Variants in CTBP1 observed in about 807,000 individuals in gnomAD.
The protein encoded by CTBP1 is C-terminal binding protein 1.
In CTBP1, 11 loss-of-function variants were observed where a neutral mutation model predicts 42.1. That is an observed-to-expected ratio of 0.26 (90% CI 0.16 to 0.43). The LOEUF (loss-of-function observed/expected upper bound fraction) is 0.43, where lower values mean the gene tolerates loss of function less well. Among genes scored for constraint, CTBP1 ranks in the 20% least tolerant of loss-of-function variants. The pLI is 1.00. For missense variants in CTBP1, 399 were observed against 624.3 expected, an observed-to-expected ratio of 0.64 and a Z score of 3.85; for synonymous variants, 324 against 277.1, an observed-to-expected ratio of 1.17 and a Z score of -1.68.
At chr4:1,243,027 G>C in intron 1 of CTBP1, 1 of 985,364 alleles carries the variant, frequency 1.0e-6, no homozygotes, top group South Asian at 4.7e-5. Context: ...CAAACTCATT[G>C]ATACGGGCCA....
At chr4:1,248,802 A>G in intron 1 of CTBP1, 114 bp downstream of exon 1, 18 of 932,836 alleles carry the variant, frequency 1.9e-5, no homozygotes, top group Non-Finnish European at 2.3e-5. Flanking sequence ...CTCGCACACA[A>G]AGCCGGCGGC....
At chr4:1,221,615 A>G (rs919755489) in intron 5 of CTBP1, 1 of 235,922 alleles carries the variant, frequency 4.2e-6, no homozygotes, top group Non-Finnish European at 8.8e-6. Context: ...CATCACCCCG[A>G]CTGACGGGAG....
chr4:1,228,039 C>G (rs1730569166), intron 4 of CTBP1, among the ~76,000 whole-genome samples, 160 bp downstream of exon 4: 1 of 152,208 alleles, frequency 6.6e-6, no homozygotes, highest in Non-Finnish European at 1.5e-5. Context: ...TGAATGGCTG[C>G]AACCTCATGC....
At chr4:1,245,628 A>G (rs1732638260) in intron 1 of CTBP1, 1 of 977,378 alleles carries the variant, frequency 1.0e-6, no homozygotes. Context: ...CGGGCGGCAT[A>G]GCAGAGTGGC....
intron 1 of CTBP1, among the ~76,000 whole-genome samples, chr4:1,248,111 G>A (rs992036323): frequency 1.3e-5 from 2 of 152,170 alleles, no homozygotes; most frequent in African/African-American, 4.8e-5. Flanking sequence ...GCCGGCCCAG[G>A]ACGCGGGCGC....
intron 1 of CTBP1, chr4:1,242,201 G>T: frequency 5.1e-6 from 5 of 985,430 alleles, no homozygotes; most frequent in Non-Finnish European, 6.0e-6. Context: ...GGGGCAGGGG[G>T]CCCCTGAGAG....
intron 5 of CTBP1, among the ~76,000 whole-genome samples, chr4:1,221,095 A>G (rs543978502): frequency 1.3e-5 from 2 of 152,338 alleles, no homozygotes; most frequent in South Asian, 4.1e-4. Context: ...AATATCCACA[A>G]TGCATGTCGA....
intron 1 of CTBP1, chr4:1,242,142 A>G: frequency 1.0e-6 from 1 of 985,440 alleles, no homozygotes; most frequent in Non-Finnish European, 1.2e-6. Flanking sequence ...CGCTACGGCC[A>G]GGGCCTGGCG....
intron 1 of CTBP1, chr4:1,242,490 G>C (rs1314015521): frequency 1.0e-6 from 1 of 984,960 alleles, no homozygotes; most frequent in African/African-American, 1.8e-5. Context: ...CCGCCCCTGC[G>C]CAGAGGCCTC....
Position 1,238,486 on chromosome 4 carries a change from T to A in CTBP1, c.8-149A>T, listed in dbSNP as rs1731810552. 2.0e-6 allele frequency: 2 copies of A among 1,024,860 alleles called. No homozygotes were observed. The highest frequency in any genetic ancestry group is 2.7e-6 in the Non-Finnish European group (2 of 742,472). The allele number at this position is 1,024,860 out of a possible 1,614,324, so 63.5% of individuals were successfully genotyped here. A position where few individuals can be genotyped will look rare whatever the true frequency, so the allele number is the denominator to read the frequency against. ...GTTGTGATATTTGTAAAAAGTAAAT[T>A]AAAAATCCACGTGAAAGACAACTCG... On this transcript the variant is annotated intron_variant, in intron 2 of 9. Coordinates refer to ENST00000382952, the MANE Select transcript of CTBP1 (RefSeq NM_001012614.2). This position sits in a 1 kb window ranked among gnomAD's most constrained non-coding sequence, Gnocchi z 5.9.
At chr4:1,215,940 A>G in intron 6 of CTBP1, 51 bp downstream of exon 6, 1 of 1,546,116 alleles carries the variant, frequency 6.5e-7, no homozygotes, top group Non-Finnish European at 8.8e-7. Context: ...TGACACCCCC[A>G]CCTGTACCTG....
Position 1,222,035 on chromosome 4 carries a change from A to G in CTBP1, c.514+3325T>C, listed in dbSNP as rs1382929070. On this transcript the variant is annotated intron_variant, in intron 5 of 9. Coordinates refer to ENST00000382952, the MANE Select transcript of CTBP1 (RefSeq NM_001012614.2). ...GCTTCCACATTCCTGTAGCCACCAC[A>G]CACGCGGATTCCACGCTAAGAACAA... Among the ~76,000 whole-genome samples, 3 of 152,176 alleles carry G rather than the reference A, an allele frequency of 2.0e-5. No homozygotes were observed. The East Asian group carries it at 5.8e-4, about 29-fold the overall frequency.
Position 1,249,040 on chromosome 4 carries a change from G to T in CTBP1, c.-313C>A. 1 of 607,776 alleles carries T rather than the reference G, an allele frequency of 1.6e-6. No individual in the cohort carries two copies. The highest frequency in any genetic ancestry group is 2.0e-6 in the Non-Finnish European group (1 of 488,138). The allele number at this position is 607,776 out of a possible 1,614,324, so 37.6% of individuals were successfully genotyped here. A position where few individuals can be genotyped will look rare whatever the true frequency, so the allele number is the denominator to read the frequency against. Reference sequence around the variant, plus strand: ...CGGCGCGTGGGGCGGCCTCGGCGCCGTCCGCTGCTCCGCCCGCCCGCCTGC... The same window carrying T: ...CGGCGCGTGGGGCGGCCTCGGCGCCTTCCGCTGCTCCGCCCGCCCGCCTGC... On this transcript the variant is annotated 5_prime_UTR_variant, in exon 1 of 10. Coordinates refer to ENST00000382952, the MANE Select transcript of CTBP1 (RefSeq NM_001012614.2).
chr4:1,213,753 G>A (rs1728797747), intron 7 of CTBP1, 148 bp from the exon 8 acceptor site: 1 of 1,073,564 alleles, frequency 9.3e-7, no homozygotes, highest in East Asian at 2.7e-5. Flanking sequence ...GGCTGGCTGA[G>A]CTCAAGAGCA....
intron 2 of CTBP1, among the ~76,000 whole-genome samples, chr4:1,239,669 C>A (rs1250032176): frequency 1.3e-5 from 2 of 152,220 alleles, no homozygotes; most frequent in African/African-American, 2.4e-5. Flanking sequence ...GGGGACGGGG[C>A]ATGGGTCTCC....
At chr4:1,242,727 G>GC (rs1471530850) in intron 1 of CTBP1, 1 of 985,074 alleles carries the variant, frequency 1.0e-6, no homozygotes. Flanking sequence ...CTGCGCCTGA[G>GC]CCCCCATGAC....
chr4:1,226,741 C>T (rs965041450), intron 4 of CTBP1, among the ~76,000 whole-genome samples: 4 of 151,764 alleles, frequency 2.6e-5, no homozygotes, highest in Non-Finnish European at 4.4e-5. Flanking sequence ...GGCCTGCACC[C>T]GACACCGCAG....
chr4:1,214,645 C>T (rs1289728992), intron 6 of CTBP1, among the ~76,000 whole-genome samples, 172 bp from the exon 7 acceptor site: 3 of 152,354 alleles, frequency 2.0e-5, no homozygotes, highest in Non-Finnish European at 4.4e-5. Context: ...CGTGCTGCAC[C>T]GCGGCCCTGA....
rs1195263076 is a variant in CTBP1 at position 1,225,476 on chromosome 4, G to A, written c.398C>T (p.Thr133Ile). Residue 133 changes from threonine (T) to isoleucine (I), a missense_variant, in exon 5 of 10, where the codon ACC becomes ATC. Around this residue, in one of 4 missense-constraint regions of CTBP1, gnomAD observed 309 missense variants for 497.5 expected, o/e 0.62. Coordinates refer to ENST00000382952, the MANE Select transcript of CTBP1 (RefSeq NM_001012614.2). ...CHILNLYRRA[T>I]WLHQALREGT... ...CTCCCGCAGCGCCTGGTGCAGCCAG[G>A]TGGCCCGCCGGTACAGGTTCAGGAT... 5 of 1,542,850 alleles carry A rather than the reference G, an allele frequency of 3.2e-6. No individual in the cohort carries two copies. The South Asian group carries it at 5.9e-5, about 18-fold the overall frequency.
Sources: allele counts gnomAD v4.1 joint callset (sites outside exome capture counted in the v4.1 genomes callset), GRCh38; gene constraint gnomAD v4.1.1; regional missense constraint gnomAD v4.1.1; non-coding constraint Gnocchi (gnomAD v3.1); transcripts MANE v1.5; gene names NCBI Gene and HGNC (gene_info 2026-07-23, HGNC 2026-07-21).